The following IL17RB variants were observed in gnomAD, a reference collection of about 807,000 sequenced individuals.
IL17RB encodes the protein interleukin-17 receptor B.
In IL17RB, 36 loss-of-function variants were observed where a neutral mutation model predicts 43.9. That is an observed-to-expected ratio of 0.82 (90% confidence interval 0.63 to 1.08). The LOEUF (loss-of-function observed/expected upper bound fraction) is 1.08. Ranked by LOEUF, IL17RB falls within the 50% of genes least tolerant of loss-of-function variation. The pLI is 0.00. For missense variants in IL17RB, 613 were observed against 613.6 expected (o/e 1.00, Z 0.01); for synonymous variants, 225 against 225.4 (o/e 1.00, Z 0.02).
rs188839902 is a variant in IL17RB, at chr3:53,863,224, G to C, written c.947-1522G>C. Among the ~76,000 whole-genome samples the C allele has an allele frequency of 1.3e-3, 201 of 152,318 alleles. 1 individual carries two copies. Among genetic ancestry groups the C allele is most frequent in the Middle Eastern group, 3.4e-3 (1 of 294 alleles). On this transcript the variant is annotated intron_variant, in intron 10 of 10. Transcript: ENST00000288167. ...ACAGTAGGCTATTAGAAGTTAAGTTGTGGGAAAATCAAAGGTTATAGGAGA... is the reference window on the plus strand; with the variant it reads ...ACAGTAGGCTATTAGAAGTTAAGTTCTGGGAAAATCAAAGGTTATAGGAGA...
At chr3:53,862,950 G>GC (rs769897543) in intron 10 of IL17RB, among the ~76,000 whole-genome samples, 33 of 152,138 alleles carry the variant, frequency 2.2e-4, no homozygotes, top group Non-Finnish European at 4.0e-4. Context: ...TTCTGCCTCT[G>GC]CCACCCCTAA....
At chr3:53,861,712 A>G (rs1310496348) in intron 10 of IL17RB, 2 of 152,234 alleles carry the variant, frequency 1.3e-5, no homozygotes. Flanking sequence ...AACTGTCAAG[A>G]TAACAGGAGA....
At chr3:53,849,142 G>C (rs1233085205) in intron 2 of IL17RB, among the ~76,000 whole-genome samples, 3 of 152,226 alleles carry the variant, frequency 2.0e-5, no homozygotes, top group South Asian at 4.1e-4. Context: ...AGGTGGGAAA[G>C]TGGGGGCTGT....
At chr3:53,863,821 AT>A (rs11318618) in intron 10 of IL17RB, among the ~76,000 whole-genome samples, 34,551 of 137,800 alleles carry the variant, frequency 0.25, 3,745 homozygotes, top group Middle Eastern at 0.31. Context: ...ACCTCAAAGT[AT>A]TTTTTTTTTT....
In IL17RB at chr3:53,857,684, G is replaced by A. The variant is rs759500956; in HGVS notation, c.741G>A (p.Thr247=). Residue 247 remains threonine (T), a synonymous_variant, in exon 8 of 11, where the codon ACG becomes ACA. Transcript: ENST00000288167. ...TGACTGGGGATAGTGAAGGTGCTAC[G>A]GTGCAGGTAAAGTTCAGTGAGCTGC... The part of the protein sequence containing the change: ...IPVTGDSEGA[T]VQLTPYFPTC... The A allele has an allele frequency of 2.2e-5, 35 of 1,613,696 alleles. No homozygotes were observed. Among genetic ancestry groups the A allele is most frequent in the Middle Eastern group, 1.6e-4 (1 of 6,082 alleles).
intron 9 of IL17RB, chr3:53,859,090 C>T (rs1051353346): frequency 6.2e-6 from 2 of 321,408 alleles, no homozygotes; most frequent in African/African-American, 4.2e-5. Flanking sequence ...AATGGATGTT[C>T]TGAGTGCCAC....
At position 53,860,158 on chromosome 3, in the gene IL17RB, TCTC is replaced by T. The variant is rs1294471667; in HGVS notation, c.882_884del (p.Leu296del). Reference sequence around the variant, plus strand: ...AAAGCAAGCCGGGAGGCTGGCTGCCTCTCCTCCTGCTGTCTCTGCTGGTGGCCA... The same window carrying T: ...AAAGCAAGCCGGGAGGCTGGCTGCCTCTCCTGCTGTCTCTGCTGGTGGCCA... On this transcript the variant is annotated inframe_deletion, in exon 10 of 11. Coordinates refer to ENST00000288167, the MANE Select transcript of IL17RB (RefSeq NM_018725.4). 6.2e-7 allele frequency: 1 copy of T among 1,613,954 alleles called. No individual in the cohort carries two copies. Among genetic ancestry groups the T allele is most frequent in the Non-Finnish European group, 8.5e-7 (1 of 1,179,964 alleles).
chr3:53,864,083 A>C (rs1013325723), intron 10 of IL17RB, among the ~76,000 whole-genome samples: 3 of 152,090 alleles, frequency 2.0e-5, no homozygotes, highest in African/African-American at 7.2e-5. Flanking sequence ...TTGGCCTCCC[A>C]AAGTGCTGGG....
chr3:53,858,610 G>C, intron 8 of IL17RB, 109 bp from the exon 9 acceptor site: 1 of 1,502,230 alleles, frequency 6.7e-7, no homozygotes, highest in African/African-American at 1.4e-5. Flanking sequence ...CAACACTAGA[G>C]GTATGGGCGA....
Position 53,851,415 on chromosome 3 carries a change from G to C in IL17RB, c.227-584G>C, listed in dbSNP as rs202101126. On this transcript the variant is annotated intron_variant, in intron 3 of 10. Transcript: ENST00000288167. ...TCTCTGGTGAGGTTGCTTTAGGTGAGATGTGGCCATAAGGGTTTGGGCCCT... is the reference window on the plus strand; with the variant it reads ...TCTCTGGTGAGGTTGCTTTAGGTGACATGTGGCCATAAGGGTTTGGGCCCT... Among the ~76,000 whole-genome samples the C allele has an allele frequency of 2.0e-5, 3 of 152,354 alleles. No individual in the cohort carries two copies. The East Asian group carries it at 5.8e-4, about 29-fold the overall frequency.
In IL17RB at chr3:53,855,349, A is replaced by G; in HGVS notation, c.529+8A>G. 2 of 1,578,842 alleles carry G rather than the reference A, an allele frequency of 1.3e-6. No individual in the cohort carries two copies. Among genetic ancestry groups the G allele is most frequent in the Non-Finnish European group, 8.7e-7 (1 of 1,149,154 alleles). On this transcript the variant is annotated splice_region_variant and intron_variant, in intron 6 of 10. Coordinates refer to ENST00000288167, the MANE Select transcript of IL17RB (RefSeq NM_018725.4). ...AAAAGTGTGTCAAGGCCGGTAAGTA[A>G]ATACGGCATTTGCTTTTATTATTTG...
chr3:53,849,956 A>G (rs890211649), intron 3 of IL17RB, among the ~76,000 whole-genome samples, 161 bp downstream of exon 3: 18 of 152,214 alleles, frequency 1.2e-4, no homozygotes, highest in African/African-American at 3.9e-4. Flanking sequence ...AGCACTACTT[A>G]CAACAGGCAA....
In IL17RB at chr3:53,865,153, G is replaced by A; in HGVS notation, c.1354G>A (p.Asp452Asn). ...CGTGGTGGTCTACTTTAGAGAGATT[G>A]ATACAAAAGACGATTACAATGCTCT... Reference protein sequence around the residue: ...KYVVVYFREIDTKDDYNALSV... With the variant: ...KYVVVYFREINTKDDYNALSV... Residue 452 changes from aspartate (D) to asparagine (N), a missense_variant, in exon 11 of 11, where the codon GAT (aspartate) becomes AAT (asparagine). Coordinates refer to ENST00000288167, the MANE Select transcript of IL17RB (RefSeq NM_018725.4). 2 of 1,614,162 alleles carry A rather than the reference G, an allele frequency of 1.2e-6. No individual in the cohort carries two copies. Among genetic ancestry groups the A allele is most frequent in the Non-Finnish European group, 1.7e-6 (2 of 1,180,026 alleles).
intron 3 of IL17RB, 113 bp from the exon 4 acceptor site, chr3:53,851,886 A>T (rs1239670845): frequency 8.2e-7 from 1 of 1,224,266 alleles, no homozygotes; most frequent in South Asian, 1.4e-5. Flanking sequence ...TTTCAGTACT[A>T]TTGTGAATAT....
intron 8 of IL17RB, 174 bp from the exon 9 acceptor site, chr3:53,858,545 G>C: frequency 7.0e-7 from 1 of 1,433,196 alleles, no homozygotes; most frequent in Non-Finnish European, 9.1e-7. Context: ...CGGGTCACTG[G>C]TTTTGACTTT....
chr3:53,856,083 T>C (rs532365227), intron 6 of IL17RB, among the ~76,000 whole-genome samples: 19 of 152,278 alleles, frequency 1.2e-4, no homozygotes, highest in African/African-American at 4.6e-4. Flanking sequence ...AGAAGGCAGA[T>C]TTGGACGCTG....
chr3:53,858,016 G>A, intron 8 of IL17RB: 1 of 303,092 alleles, frequency 3.3e-6, no homozygotes, highest in Non-Finnish European at 6.4e-6. Context: ...AGCTGCAAAG[G>A]GTTTGAAATG....
chr3:53,858,861 C>T, intron 9 of IL17RB, 43 bp downstream of exon 9: 1 of 1,445,652 alleles, frequency 6.9e-7, no homozygotes, highest in Non-Finnish European at 9.7e-7. Context: ...AAGTGGCTCA[C>T]ACACAGTCAC....
chr3:53,860,306 G>A, intron 10 of IL17RB, 78 bp downstream of exon 10: 4 of 1,188,144 alleles, frequency 3.4e-6, no homozygotes, highest in Non-Finnish European at 3.7e-6. Context: ...GATTCCTCTG[G>A]AGGCAATCAC....
Sources: allele counts gnomAD v4.1 joint callset (sites outside exome capture counted in the v4.1 genomes callset), GRCh38; gene constraint gnomAD v4.1.1; transcripts MANE v1.5; gene names NCBI Gene and HGNC (gene_info 2026-07-23, HGNC 2026-07-21).